The following CCDC192 variants were observed in gnomAD, a reference collection of about 807,000 sequenced individuals.
The protein encoded by CCDC192 is coiled-coil domain-containing protein 192.
chr5:127,740,952 CA>C (rs1271078834), intron 2 of CCDC192, among the ~76,000 whole-genome samples: 7 of 152,090 alleles, frequency 4.6e-5, no homozygotes, highest in South Asian at 2.1e-4. Flanking sequence ...TCCTGTCACA[CA>C]AAAAAAGTAC....
chr5:127,799,937 G>A (rs1219792785), intron 5 of CCDC192, among the ~76,000 whole-genome samples: 1 of 152,078 alleles, frequency 6.6e-6, no homozygotes, highest in Non-Finnish European at 1.5e-5. Context: ...ATTGAAAGTG[G>A]ATTATGTATT....
Position 127,812,791 on chromosome 5 carries a change from T to C in CCDC192, c.411+14629T>C, listed in dbSNP as rs904256422. 2.0e-5 allele frequency among the ~76,000 whole-genome samples: 3 copies of C among 152,290 alleles called. No individual in the cohort carries two copies. The East Asian group carries it at 5.8e-4, about 29-fold the overall frequency. On this transcript the variant is annotated intron_variant, in intron 5 of 6. Coordinates refer to ENST00000514853, the MANE Select transcript of CCDC192 (RefSeq NM_001317938.2). ...AGGCAGAGGTCAATGCCATGGGGAA[T>C]GGAAAACTACTGCCTACGAGTTTTG...
chr5:127,731,455 G>C (rs1381817908), intron 2 of CCDC192, among the ~76,000 whole-genome samples: 1 of 152,142 alleles, frequency 6.6e-6, no homozygotes, highest in African/African-American at 2.4e-5. Flanking sequence ...GTAATTTATA[G>C]ATTCAATGCT....
At chr5:127,751,581 C>G (rs1312110339) in intron 2 of CCDC192, among the ~76,000 whole-genome samples, 1 of 152,108 alleles carries the variant, frequency 6.6e-6, no homozygotes, top group African/African-American at 2.4e-5. Context: ...GTGAATCTGA[C>G]AATTATGTGT....
chr5:127,789,779 G>A lies in CCDC192; in HGVS notation c.223-7324G>A, dbSNP rs913337368. Among the ~76,000 whole-genome samples the A allele has an allele frequency of 8.5e-5, 13 of 152,328 alleles. No individual in the cohort carries two copies. The South Asian group carries it at 2.7e-3, about 32-fold the overall frequency. ...AGCCTTGTGCTGTTCTAGAAGATGG[G>A]GGAAATGGCCCCAAAGACAGTTCAG... On this transcript the variant is annotated intron_variant, in intron 3 of 6. Coordinates refer to ENST00000514853, the MANE Select transcript of CCDC192 (RefSeq NM_001317938.2).
At chr5:127,754,478 CACACACACACACACAT>C (rs1754449006) in intron 3 of CCDC192, 103 bp downstream of exon 3, 3 of 358,486 alleles carry the variant, frequency 8.4e-6, no homozygotes, top group African/African-American at 2.7e-5. Flanking sequence ...CTGATACACA[CACACACACACACACAT>C]ACACACACAC....
chr5:127,905,175 G>A (rs1038681594), intron 6 of CCDC192, among the ~76,000 whole-genome samples: 1 of 152,134 alleles, frequency 6.6e-6, no homozygotes, highest in African/African-American at 2.4e-5. Context: ...TGTTTCTGTA[G>A]ACTAACTTAG....
chr5:127,793,083 A>G (rs907518517), intron 3 of CCDC192, among the ~76,000 whole-genome samples: 4 of 152,190 alleles, frequency 2.6e-5, no homozygotes, highest in African/African-American at 9.6e-5. Flanking sequence ...CCCAAACCTC[A>G]GCATCATGCA....
intron 2 of CCDC192, among the ~76,000 whole-genome samples, chr5:127,730,530 A>G (rs1457477915): frequency 6.6e-6 from 1 of 152,118 alleles, no homozygotes; most frequent in Non-Finnish European, 1.5e-5. Context: ...TATGAGGCCA[A>G]CATTATCCTG....
At chr5:127,843,000 CT>C (rs945983503) in intron 5 of CCDC192, among the ~76,000 whole-genome samples, 10 of 147,560 alleles carry the variant, frequency 6.8e-5, no homozygotes, top group African/African-American at 2.5e-4. Context: ...GCTTCATCAC[CT>C]TAATTTCCTG....
intron 2 of CCDC192, among the ~76,000 whole-genome samples, chr5:127,711,036 T>A (rs248741): frequency 0.38 from 57,700 of 151,970 alleles, 11,518 homozygotes; most frequent in East Asian, 0.65. Context: ...ATTATCTCAT[T>A]TGAAGCTGTT....
intron 3 of CCDC192, among the ~76,000 whole-genome samples, chr5:127,782,349 T>C (rs1289290788): frequency 1.3e-5 from 2 of 152,154 alleles, no homozygotes; most frequent in Non-Finnish European, 2.9e-5. Context: ...TTAGGGAGGG[T>C]TTCCTCTTTC....
intron 2 of CCDC192, among the ~76,000 whole-genome samples, chr5:127,748,798 T>C (rs1444823155): frequency 1.2e-4 from 18 of 147,376 alleles, no homozygotes; most frequent in African/African-American, 4.5e-4. Flanking sequence ...CAGTGGTTTG[T>C]AGTTCTCCTT....
chr5:127,731,302 T>C (rs1752625765), intron 2 of CCDC192, among the ~76,000 whole-genome samples: 1 of 152,134 alleles, frequency 6.6e-6, no homozygotes, highest in Non-Finnish European at 1.5e-5. Context: ...GGAATACAGC[T>C]AACAAGGGGA....
intron 5 of CCDC192, among the ~76,000 whole-genome samples, chr5:127,827,866 C>A (rs148698203): frequency 1.3e-5 from 2 of 152,130 alleles, no homozygotes; most frequent in Non-Finnish European, 2.9e-5. Flanking sequence ...CATGTAAAAT[C>A]CTTCACCAAG....
chr5:127,720,516 G>T (rs768879743), intron 2 of CCDC192, among the ~76,000 whole-genome samples: 1 of 152,216 alleles, frequency 6.6e-6, no homozygotes, highest in Non-Finnish European at 1.5e-5. Flanking sequence ...GGTGCAAGCT[G>T]TTGGTGGATC....
intron 5 of CCDC192, among the ~76,000 whole-genome samples, chr5:127,831,915 T>A (rs1373726606): frequency 6.6e-6 from 1 of 152,044 alleles, no homozygotes; most frequent in Admixed American, 6.6e-5. Context: ...GCAAGTTTTT[T>A]AAAACTGTAA....
chr5:127,822,377 A>G (rs1377424878), intron 5 of CCDC192, among the ~76,000 whole-genome samples: 4 of 152,192 alleles, frequency 2.6e-5, no homozygotes, highest in African/African-American at 9.7e-5. Flanking sequence ...TTTCTAAAAT[A>G]TTTACAGGAT....
At chr5:127,788,242 A>G (rs1020983001) in intron 3 of CCDC192, among the ~76,000 whole-genome samples, 1 of 152,106 alleles carries the variant, frequency 6.6e-6, no homozygotes, top group South Asian at 2.1e-4. Flanking sequence ...CTCCTTGACA[A>G]ATTGCCACTT....
Sources: gnomAD v4.1 joint callset for allele counts (sites outside exome capture counted in the v4.1 genomes callset) on GRCh38, gnomAD v4.1.1 for gene constraint, MANE v1.5 for transcripts, NCBI Gene and HGNC (gene_info 2026-07-23, HGNC 2026-07-21) for gene names.